DNAJC1: variants seen among roughly 807,000 people sequenced by gnomAD.
DNAJC1 encodes DnaJ heat shock protein family (Hsp40) member C1.
In DNAJC1, 58 loss-of-function variants were observed where a neutral mutation model predicts 76.6. That is an observed-to-expected ratio of 0.76 (90% CI 0.61 to 0.94). The LOEUF (loss-of-function observed/expected upper bound fraction) is 0.94, where lower values mean the gene tolerates loss of function less well. DNAJC1 is among the 40% of genes least tolerant of loss of function. The pLI, the probability that DNAJC1 is intolerant of heterozygous loss-of-function variation, is 0.00. For synonymous variants in DNAJC1, 258 were observed against 267.9 expected (o/e 0.96, Z 0.36); for missense variants, 689 against 677.3 (o/e 1.02, Z -0.19).
At chr10:21,847,220 C>A (rs968328796) in intron 8 of DNAJC1, among the ~76,000 whole-genome samples, 1 of 152,074 alleles carries the variant, frequency 6.6e-6, no homozygotes, top group Non-Finnish European at 1.5e-5. Flanking sequence ...AGGAAAGAAC[C>A]AGCAAAGTAG....
chr10:21,931,848 C>A (rs1365094455), intron 1 of DNAJC1, among the ~76,000 whole-genome samples: 1 of 152,158 alleles, frequency 6.6e-6, no homozygotes. Flanking sequence ...TTTGACAGCA[C>A]GTGAGTGAAG....
intron 9 of DNAJC1, among the ~76,000 whole-genome samples, chr10:21,784,277 G>A (rs541194571): frequency 7.2e-5 from 11 of 152,302 alleles, no homozygotes; most frequent in Non-Finnish European, 1.2e-4. Flanking sequence ...AGACACTTAT[G>A]CAGCCAACAG....
At chr10:21,805,043 G>A (rs559685709) in intron 9 of DNAJC1, among the ~76,000 whole-genome samples, 14 of 152,066 alleles carry the variant, frequency 9.2e-5, no homozygotes, top group African/African-American at 3.4e-4. Flanking sequence ...GCATTTATAA[G>A]CTCCTTTTGG....
At chr10:21,854,205 A>G (rs1835796895) in intron 8 of DNAJC1, among the ~76,000 whole-genome samples, 1 of 152,104 alleles carries the variant, frequency 6.6e-6, no homozygotes, top group South Asian at 2.1e-4. Context: ...TTATATCTCA[A>G]TTCTTCCTAA....
intron 6 of DNAJC1, among the ~76,000 whole-genome samples, chr10:21,904,814 G>A (rs1836715891): frequency 1.3e-5 from 2 of 152,066 alleles, no homozygotes; most frequent in Non-Finnish European, 2.9e-5. Flanking sequence ...GAAATTTTAT[G>A]AGTATAATTT....
intron 9 of DNAJC1, among the ~76,000 whole-genome samples, chr10:21,769,472 C>T (rs1297773958): frequency 1.3e-5 from 2 of 152,260 alleles, no homozygotes; most frequent in African/African-American, 2.4e-5. Flanking sequence ...TAGTGAGAAG[C>T]TAAAACAAGC....
At chr10:21,824,942 T>G (rs1589997242) in intron 8 of DNAJC1, among the ~76,000 whole-genome samples, 3 of 151,966 alleles carry the variant, frequency 2.0e-5, no homozygotes, top group African/African-American at 4.8e-5. Flanking sequence ...GCCTGGCTAA[T>G]TTTTTGTATT....
intron 8 of DNAJC1, among the ~76,000 whole-genome samples, chr10:21,841,026 G>T (rs1036821535): frequency 1.3e-5 from 2 of 152,190 alleles, no homozygotes; most frequent in East Asian, 3.8e-4. Flanking sequence ...TTAACAAATG[G>T]TGCTGGGAAA....
intron 8 of DNAJC1, among the ~76,000 whole-genome samples, chr10:21,830,507 T>C (rs1361788424): frequency 6.6e-6 from 1 of 152,200 alleles, no homozygotes; most frequent in African/African-American, 2.4e-5. Context: ...TGGTTAGTTT[T>C]AAGATTTTCT....
At chr10:21,875,789 G>C (rs1420963970) in intron 8 of DNAJC1, among the ~76,000 whole-genome samples, 1 of 152,080 alleles carries the variant, frequency 6.6e-6, no homozygotes, top group Non-Finnish European at 1.5e-5. Flanking sequence ...GCTGGGTGTG[G>C]CAGCAGGCGT....
Sources: allele counts gnomAD v4.1 joint callset (sites outside exome capture counted in the v4.1 genomes callset), GRCh38; gene constraint gnomAD v4.1.1; transcripts MANE v1.5; gene names NCBI Gene and HGNC (gene_info 2026-07-23, HGNC 2026-07-21).